Variants in GPAM observed in about 807,000 individuals in gnomAD.
GPAM encodes the protein glycerol-3-phosphate acyltransferase, mitochondrial.
A neutral mutation model predicts 105.0 loss-of-function variants in GPAM; 56 were observed. The observed-to-expected ratio is 0.53, with a 90% CI of 0.43 to 0.67. GPAM has a LOEUF of 0.67. Ranked by LOEUF, GPAM falls within the 30% of genes least tolerant of loss-of-function variation. The pLI, the probability that GPAM is intolerant of heterozygous loss-of-function variation, is 0.00. For missense variants in GPAM, 855 were observed against 989.8 expected, an observed-to-expected ratio of 0.86 and a Z score of 1.83; for synonymous variants, 368 against 354.4, an observed-to-expected ratio of 1.04 and a Z score of -0.43.
At chr10:112,184,181 A>C (rs896559344), upstream of GPAM, among the ~76,000 whole-genome samples, 1 of 152,196 alleles carries the variant, frequency 6.6e-6, no homozygotes, top group African/African-American at 2.4e-5. Flanking sequence ...TTTCTACCAA[A>C]GTGGCTGAGT....
chr10:112,175,909 A>G (rs1589593933), intron 5 of GPAM, among the ~76,000 whole-genome samples, 196 bp from the exon 6 acceptor site: 2 of 152,316 alleles, frequency 1.3e-5, no homozygotes, highest in East Asian at 3.9e-4. Flanking sequence ...CTCAGCTAAA[A>G]CTGAAACTTG....
At chr10:112,216,413 G>C (rs996853844), upstream of GPAM, among the ~76,000 whole-genome samples, 2 of 152,148 alleles carry the variant, frequency 1.3e-5, no homozygotes, top group African/African-American at 4.8e-5. Context: ...CAATGGCAGG[G>C]ACTGGTGAAG....
chr10:112,151,585 G>A lies in GPAM; in HGVS notation c.*1965C>T, dbSNP rs1589573104. 2 of 985,722 alleles carry A rather than the reference G, an allele frequency of 2.0e-6. No homozygotes were observed. The highest frequency in any genetic ancestry group is 2.4e-6 in the Non-Finnish European group (2 of 829,918). The allele number at this position is 985,722 out of a possible 1,614,324, so 61.1% of individuals were successfully genotyped here. Reference sequence around the variant, plus strand: ...TCTAGAAAACAAACCAACCAAAAGGGAAAATAATGCAAGAGAAGCCGTATT... The same window carrying A: ...TCTAGAAAACAAACCAACCAAAAGGAAAAATAATGCAAGAGAAGCCGTATT... On this transcript the variant is annotated 3_prime_UTR_variant, in exon 22 of 22. Transcript: ENST00000348367.
chr10:112,152,386 T>C lies in GPAM; in HGVS notation c.*1164A>G. 2.0e-6 allele frequency: 2 copies of C among 984,298 alleles called. No homozygotes were observed. The highest frequency in any genetic ancestry group is 4.7e-5 in the South Asian group (1 of 21,276). 61.0% of individuals were successfully genotyped at this position (984,298 alleles called of 1,614,324 possible). A position where few individuals can be genotyped will look rare whatever the true frequency, so the allele number is the denominator to read the frequency against. ...ACTATGTGGCATAAGGGTTTAGGCA[T>C]ATAACCCATAAAAATTTGTTAAAAG... On this transcript the variant is annotated 3_prime_UTR_variant, in exon 22 of 22. Coordinates refer to ENST00000348367, the MANE Select transcript of GPAM (RefSeq NM_001244949.2).
At chr10:112,172,125 T>G in intron 9 of GPAM, 57 bp downstream of exon 9, 2 of 1,324,840 alleles carry the variant, frequency 1.5e-6, no homozygotes, top group Non-Finnish European at 1.1e-6. Flanking sequence ...TTTAAAAAAT[T>G]AAAATTCAAA....
chr10:112,184,458 G>A (rs1230219485), upstream of GPAM, among the ~76,000 whole-genome samples: 1 of 152,158 alleles, frequency 6.6e-6, no homozygotes, highest in Non-Finnish European at 1.5e-5. Flanking sequence ...GTATTCATAA[G>A]TCATAACATC....
intron 1 of GPAM, among the ~76,000 whole-genome samples, chr10:112,192,448 G>A (rs1258429392): frequency 6.6e-6 from 1 of 152,232 alleles, no homozygotes; most frequent in East Asian, 1.9e-4. Context: ...AACAGAGGTG[G>A]CCGATATTGG....
chr10:112,217,041 T>G (rs1349496766), upstream of GPAM, among the ~76,000 whole-genome samples: 4 of 152,060 alleles, frequency 2.6e-5, no homozygotes, highest in Admixed American at 2.6e-4. Context: ...ATTTAAAGCG[T>G]ATATATAGTT....
Position 112,155,985 on chromosome 10 carries a change from C to T in GPAM, c.2190G>A (p.Glu730=), listed in dbSNP as rs778541545. 7 of 1,612,552 alleles carry T rather than the reference C, an allele frequency of 4.3e-6. No homozygotes were observed. Among genetic ancestry groups the T allele is most frequent in the Non-Finnish European group, 5.9e-6 (7 of 1,178,776 alleles). ...FLQRLLGPLL[E]AYSSAAIFVH... Reference sequence around the variant, plus strand: ...CAAAGATGGCAGCAGAGCTGTAGGCCTCCAGCAAAGGCCCAAGGAGTCTCT... The same window carrying T: ...CAAAGATGGCAGCAGAGCTGTAGGCTTCCAGCAAAGGCCCAAGGAGTCTCT... Residue 730 remains glutamate, a synonymous_variant, in exon 20 of 22, where the codon GAG becomes GAA. Coordinates refer to ENST00000348367, the MANE Select transcript of GPAM (RefSeq NM_001244949.2).
intron 1 of GPAM, among the ~76,000 whole-genome samples, chr10:112,198,533 A>C (rs1298161710): frequency 6.6e-6 from 1 of 152,206 alleles, no homozygotes; most frequent in Non-Finnish European, 1.5e-5. Flanking sequence ...GCAGTTTCAT[A>C]ACCTCCCTCC....
chr10:112,213,971 T>C (rs968204200), intron 1 of GPAM, among the ~76,000 whole-genome samples: 1 of 152,148 alleles, frequency 6.6e-6, no homozygotes, highest in African/African-American at 2.4e-5. Flanking sequence ...TTTCCATAAA[T>C]TTATGAAGAG....
At chr10:112,183,412 C>T (rs1032181170) in intron 1 of GPAM, among the ~76,000 whole-genome samples, 1 of 152,244 alleles carries the variant, frequency 6.6e-6, no homozygotes, top group Admixed American at 6.5e-5. Flanking sequence ...GCGGCGCCTC[C>T]GCGCGTGCAG....
intron 1 of GPAM, among the ~76,000 whole-genome samples, chr10:112,209,410 G>A (rs1847886859): frequency 6.6e-6 from 1 of 151,970 alleles, no homozygotes; most frequent in Non-Finnish European, 1.5e-5. Context: ...TACCCAGCGG[G>A]CTCAGCCTGA....
intron 1 of GPAM, among the ~76,000 whole-genome samples, chr10:112,189,020 G>T (rs1024989575): frequency 2.6e-5 from 4 of 151,360 alleles, no homozygotes; most frequent in African/African-American, 9.7e-5. Flanking sequence ...ACTTCCCTGG[G>T]TGCATTTGTT....
At chr10:112,210,615 C>A (rs1847900496) in intron 1 of GPAM, among the ~76,000 whole-genome samples, 1 of 152,330 alleles carries the variant, frequency 6.6e-6, no homozygotes, top group South Asian at 2.1e-4. Context: ...GACAGCCCCC[C>A]TCAACCCCAC....
In GPAM at chr10:112,159,989, G is replaced by T; in HGVS notation, c.1824C>A (p.Asn608Lys). ...GLGGPTSTPPNLISQEQLVRK... is the reference protein window; with the variant it reads ...GLGGPTSTPPKLISQEQLVRK... ...GCACCAGCTGCTCCTGGCTGATCAG[G>T]TTAGGTGGGGTGCTAGTGGGACCCC... The change falls in exon 17 of 22, where the codon AAC becomes AAA. Residue 608 changes from asparagine (N) to lysine (K), a missense_variant. Physicochemically the swap from Asn to Lys is moderately conservative, Grantham distance 94 (BLOSUM62 0). Coordinates refer to ENST00000348367, the MANE Select transcript of GPAM (RefSeq NM_001244949.2). 1 of 1,613,874 alleles carries T rather than the reference G, an allele frequency of 6.2e-7. No individual in the cohort carries two copies. Among genetic ancestry groups the T allele is most frequent in the South Asian group, 1.1e-5 (1 of 91,086 alleles).
chr10:112,188,769 A>G (rs1847623343), intron 1 of GPAM, among the ~76,000 whole-genome samples: 1 of 152,196 alleles, frequency 6.6e-6, no homozygotes, highest in African/African-American at 2.4e-5. Context: ...ACATTTTAAC[A>G]TGGCTCATTC....
chr10:112,217,994 T>G (rs12356901), upstream of GPAM, among the ~76,000 whole-genome samples: 11,968 of 152,352 alleles, frequency 0.079, 513 homozygotes, highest in Middle Eastern at 0.18. Context: ...ATAGCTGTTA[T>G]GTTGGCATTT....
chr10:112,210,483 T>G (rs1031353713), intron 1 of GPAM, among the ~76,000 whole-genome samples: 1 of 152,146 alleles, frequency 6.6e-6, no homozygotes, highest in African/African-American at 2.4e-5. Flanking sequence ...GAGGTCTCAC[T>G]AAGCCCCATG....
Sources: gnomAD v4.1 joint callset for allele counts (sites outside exome capture counted in the v4.1 genomes callset) on GRCh38, gnomAD v4.1.1 for gene constraint, MANE v1.5 for transcripts, NCBI Gene and HGNC (gene_info 2026-07-23, HGNC 2026-07-21) for gene names.